Variants in COG2 observed in about 807,000 individuals in gnomAD.
COG2 encodes the protein conserved oligomeric Golgi complex subunit 2.
A neutral mutation model predicts 90.6 loss-of-function variants in COG2; 52 were observed. The observed-to-expected ratio is 0.57, with a 90% confidence interval of 0.46 to 0.72. The LOEUF is 0.72. COG2 is among the 30% of genes least tolerant of loss of function. The pLI, the probability that COG2 is intolerant of heterozygous loss-of-function variation, is 0.00. For missense variants in COG2, 829 were observed against 891.2 expected (o/e 0.93, Z 0.89); for synonymous variants, 337 against 320.4 (o/e 1.05, Z -0.55).
chr1:230,680,928 G>A (rs1341916019), intron 10 of COG2: 4 of 152,158 alleles, frequency 2.6e-5, no homozygotes, highest in African/African-American at 7.2e-5. Context: ...AGACAGTGGG[G>A]TGTGATGGTT....
At chr1:230,668,076 G>T (rs2102756675) in intron 5 of COG2, among the ~76,000 whole-genome samples, 1 of 152,270 alleles carries the variant, frequency 6.6e-6, no homozygotes, top group South Asian at 2.1e-4. Flanking sequence ...TTTAAAATAA[G>T]ATATTTTGAG....
intron 9 of COG2, among the ~76,000 whole-genome samples, chr1:230,676,048 A>G (rs1304926555): frequency 1.3e-5 from 2 of 152,050 alleles, no homozygotes; most frequent in East Asian, 1.9e-4. Context: ...TTTGCTTTCC[A>G]TTCTATCATT....
At chr1:230,679,329 C>T (rs1662676016) in intron 10 of COG2, 2 of 280,204 alleles carry the variant, frequency 7.1e-6, no homozygotes, top group Non-Finnish European at 1.3e-5. Flanking sequence ...CATTCCCACC[C>T]ACCATGTCCT....
intron 1 of COG2, among the ~76,000 whole-genome samples, chr1:230,643,768 A>G (rs1661686320): frequency 6.6e-6 from 1 of 152,148 alleles, no homozygotes; most frequent in Non-Finnish European, 1.5e-5. Context: ...TGATATTCCT[A>G]TTAGACCACT....
At chr1:230,672,570 C>T (rs1417260342) in intron 8 of COG2, among the ~76,000 whole-genome samples, 2 of 152,138 alleles carry the variant, frequency 1.3e-5, no homozygotes, top group Non-Finnish European at 2.9e-5. Flanking sequence ...GTGGCTCACA[C>T]CTGTGATCCC....
intron 1 of COG2, among the ~76,000 whole-genome samples, chr1:230,653,726 G>A (rs2102745016): frequency 6.6e-6 from 1 of 152,270 alleles, no homozygotes; most frequent in Non-Finnish European, 1.5e-5. Context: ...TGGAGGTTGG[G>A]AAGTTCAAGA....
intron 5 of COG2, among the ~76,000 whole-genome samples, chr1:230,667,454 C>T (rs1371184237): frequency 6.6e-6 from 1 of 152,094 alleles, no homozygotes; most frequent in Admixed American, 6.6e-5. Flanking sequence ...ATAATAGACA[C>T]TGCACTCTTC....
intron 15 of COG2, among the ~76,000 whole-genome samples, chr1:230,688,981 C>T (rs923608794): frequency 2.0e-5 from 3 of 152,056 alleles, no homozygotes; most frequent in African/African-American, 7.2e-5. Context: ...TCTGCATCCA[C>T]AGAGTCAACC....
chr1:230,690,250 GA>G (rs1217077507), intron 16 of COG2, 97 bp downstream of exon 16: 46 of 1,044,046 alleles, frequency 4.4e-5, no homozygotes, highest in Non-Finnish European at 6.3e-5. Flanking sequence ...ATAAGGCAGT[GA>G]GACTGCCTAG....
In COG2 at chr1:230,660,629, A is replaced by C. The variant is rs3736982; in HGVS notation, c.235-129A>C. 125,283 of 516,244 alleles carry C rather than the reference A, an allele frequency of 0.24. 16,605 individuals carry two copies. The highest frequency in any genetic ancestry group is 0.42 in the South Asian group (8,471 of 19,938). The allele number at this position is 516,244 out of a possible 1,614,324, so 32.0% of individuals were successfully genotyped here. On this transcript the variant is annotated intron_variant, in intron 2 of 17. Coordinates refer to ENST00000366669, the MANE Select transcript of COG2 (RefSeq NM_007357.3). ...ACATTTGTTATTTAGTTACTTAACA[A>C]TATATGGTTGTTCATTTTGTTGTAC...
Position 230,662,209 on chromosome 1 carries a change from C to T in COG2, c.301-932C>T, listed in dbSNP as rs188926340. ...CTTCCACAGCTGTCTCTATAGCCAC[C>T]TTTTTCCTGATTGGTTTAGCCGTAG... is the stretch of plus-strand genomic sequence containing the variant. On this transcript the variant is annotated intron_variant, in intron 3 of 17. Transcript: ENST00000366669. 2.3e-3 allele frequency among the ~76,000 whole-genome samples: 351 copies of T among 152,228 alleles called. 1 individual carries two copies. The highest frequency in any genetic ancestry group is 8.1e-3 in the African/African-American group (338 of 41,534).
In COG2 at chr1:230,686,941, C is replaced by T. The variant is rs141191461; in HGVS notation, c.1387C>T (p.Leu463Phe). ...RYSVFVNELS[L>F]RPISNESPKE... is the part of the protein sequence containing the mutation. ...CAGTGAAATCCTTTTTCAGCTTTCA[C>T]TCAGGCCCATTTCTAATGAAAGTCC... The change falls in exon 13 of 18, where the codon CTC (leucine) becomes TTC (phenylalanine). Residue 463 changes from leucine (L) to phenylalanine (F), a missense_variant. Coordinates refer to ENST00000366669, the MANE Select transcript of COG2 (RefSeq NM_007357.3). 2.5e-4 allele frequency: 387 copies of T among 1,524,216 alleles called. 1 individual carries two copies. The highest frequency in any genetic ancestry group is 3.2e-4 in the Non-Finnish European group (367 of 1,131,500). The allele number at this position is 1,524,216 out of a possible 1,614,324, so 94.4% of individuals were successfully genotyped here.
At chr1:230,652,747 T>A (rs531076515) in intron 1 of COG2, among the ~76,000 whole-genome samples, 2 of 152,364 alleles carry the variant, frequency 1.3e-5, no homozygotes, top group South Asian at 4.1e-4. Flanking sequence ...ATTGGTGTCT[T>A]GTTTTAATTT....
rs1411902768 is a variant in COG2, at chr1:230,691,479, A to G, written c.2030A>G (p.Asn677Ser). 26 of 1,613,988 alleles carry G rather than the reference A, an allele frequency of 1.6e-5. No individual in the cohort carries two copies. Among genetic ancestry groups the G allele is most frequent in the Non-Finnish European group, 2.2e-5 (26 of 1,180,010 alleles). Reference sequence around the variant, plus strand: ...CAAGCCAGAAAAACCACTCCCGCCAACCCCGTCGGTCCCAGTGGTGGCATG... The same window carrying G: ...CAAGCCAGAAAAACCACTCCCGCCAGCCCCGTCGGTCCCAGTGGTGGCATG... ...LKQARKTTPA[N>S]PVGPSGGMSD... Residue 677 changes from asparagine to serine, a missense_variant, in exon 17 of 18, where the codon AAC (asparagine) becomes AGC (serine). Coordinates refer to ENST00000366669, the MANE Select transcript of COG2 (RefSeq NM_007357.3).
rs1254732131 is a variant in COG2 at position 230,693,290 on chromosome 1, A to G, written c.2116-2A>G. The G allele has an allele frequency of 2.5e-6, 4 of 1,588,632 alleles. No homozygotes were observed. The highest frequency in any genetic ancestry group is 3.5e-6 in the Non-Finnish European group (4 of 1,157,060). Reference sequence around the variant, plus strand: ...CATAATTCATTCTCATGGCCTTTGCAGATACAAAAGTTGGGACTACAAGCA... The same window carrying G: ...CATAATTCATTCTCATGGCCTTTGCGGATACAAAAGTTGGGACTACAAGCA... On this transcript the variant is annotated splice_acceptor_variant, in intron 17 of 17. Coordinates refer to ENST00000366669, the MANE Select transcript of COG2 (RefSeq NM_007357.3). LOFTEE classifies it high-confidence loss of function.
intron 8 of COG2, among the ~76,000 whole-genome samples, chr1:230,672,947 T>C (rs1479932103): frequency 1.3e-5 from 2 of 152,218 alleles, no homozygotes; most frequent in Non-Finnish European, 2.9e-5. Flanking sequence ...GCCTTGAGTT[T>C]TTGTTCTTTG....
At chr1:230,656,986 C>T (rs1374260887) in intron 1 of COG2, among the ~76,000 whole-genome samples, 1 of 152,094 alleles carries the variant, frequency 6.6e-6, no homozygotes, top group Non-Finnish European at 1.5e-5. Context: ...GATGGGTCTC[C>T]TAAATACAGC....
In COG2 at chr1:230,689,999, C is replaced by A; in HGVS notation, c.1795-15C>A. On this transcript the variant is annotated splice_polypyrimidine_tract_variant and intron_variant, in intron 15 of 17. Coordinates refer to ENST00000366669, the MANE Select transcript of COG2 (RefSeq NM_007357.3). The stretch of plus-strand genomic sequence containing the variant: ...TTTTCCTGTGCATCTTTATCTCCTA[C>A]CATCATCATTCCAGGAGGTCCCAAC... 6.4e-7 allele frequency: 1 copy of A among 1,570,218 alleles called. No individual in the cohort carries two copies. Among genetic ancestry groups the A allele is most frequent in the Non-Finnish European group, 8.6e-7 (1 of 1,160,858 alleles).
intron 1 of COG2, among the ~76,000 whole-genome samples, chr1:230,647,766 A>G (rs1661824101): frequency 6.6e-6 from 1 of 152,190 alleles, no homozygotes; most frequent in Non-Finnish European, 1.5e-5. Flanking sequence ...AATCACCTCT[A>G]GATTACTTAT....
Sources: allele counts gnomAD v4.1 joint callset (sites outside exome capture counted in the v4.1 genomes callset), GRCh38; gene constraint gnomAD v4.1.1; transcripts MANE v1.5; gene names NCBI Gene and HGNC (gene_info 2026-07-23, HGNC 2026-07-21).